Variants in KCNK18 observed in about 807,000 individuals in gnomAD.
KCNK18 encodes the protein potassium channel subfamily K member 18.
In KCNK18, 8 loss-of-function variants were observed where a neutral mutation model predicts 11.8. The observed-to-expected ratio is 0.68, with a 90% CI of 0.40 to 1.22. The LOEUF (loss-of-function observed/expected upper bound fraction) is 1.22. KCNK18 is among the 50% of genes most tolerant of loss of function. KCNK18 has a pLI of 0.01. For synonymous variants in KCNK18, 208 were observed against 185.8 expected, an observed-to-expected ratio of 1.12 and a Z score of -0.97; for missense variants, 442 against 465.4, an observed-to-expected ratio of 0.95 and a Z score of 0.46.
At chr10:117,208,983 C>T (rs532757205) in intron 2 of KCNK18, among the ~76,000 whole-genome samples, 3 of 152,248 alleles carry the variant, frequency 2.0e-5, no homozygotes, top group South Asian at 2.1e-4. Context: ...TCAGGTGACC[C>T]GCCCATCTTG....
chr10:117,201,313 C>A (rs763540533), intron 2 of KCNK18, 26 bp downstream of exon 2: 2 of 1,610,312 alleles, frequency 1.2e-6, no homozygotes, highest in Admixed American at 3.3e-5. Context: ...CAGTCCCCCT[C>A]ACGGTGGCCC....
intron 1 of KCNK18, among the ~76,000 whole-genome samples, 168 bp from the exon 2 acceptor site, chr10:117,200,991 G>A (rs550566042): frequency 4.2e-4 from 64 of 152,338 alleles, no homozygotes; most frequent in African/African-American, 1.5e-3. Flanking sequence ...GACCCAGGCT[G>A]CAGAAATATT....
At position 117,205,279 on chromosome 10, in the gene KCNK18, C is replaced by A. The variant is rs184336793; in HGVS notation, c.352+3992C>A. ...TTGTATCAAAATATATGAATGCATT[C>A]TAAGAAATAATGAGTTCCATTATGC... On this transcript the variant is annotated intron_variant, in intron 2 of 2. Transcript: ENST00000334549. Among the ~76,000 whole-genome samples the A allele has an allele frequency of 5.4e-4, 82 of 152,274 alleles. No homozygotes were observed. The Middle Eastern group carries it at 0.031, about 57-fold the overall frequency.
intron 1 of KCNK18, among the ~76,000 whole-genome samples, chr10:117,197,983 G>A (rs1303838178): frequency 6.6e-6 from 1 of 152,140 alleles, no homozygotes; most frequent in East Asian, 1.9e-4. Flanking sequence ...TCCCCTTCCT[G>A]TGCCTCAGCA....
chr10:117,202,676 C>A (rs1855027122), intron 2 of KCNK18, among the ~76,000 whole-genome samples: 1 of 152,150 alleles, frequency 6.6e-6, no homozygotes, highest in African/African-American at 2.4e-5. Flanking sequence ...TAAGCTGGTC[C>A]CAGGCAAGGG....
Position 117,207,321 on chromosome 10 carries a change from G to A in KCNK18, c.353-2176G>A, listed in dbSNP as rs138871491. Among the ~76,000 whole-genome samples the A allele has an allele frequency of 7.2e-5, 11 of 152,174 alleles. No homozygotes were observed. In the East Asian group the frequency reaches 1.5e-3, roughly 21 times the overall value. On this transcript the variant is annotated intron_variant, in intron 2 of 2. Transcript: ENST00000334549. ...TGGGATTACAGGTGTGAGCCATTGC[G>A]CATGGCTTAGGATAGGTGCCTTTGT... is the stretch of plus-strand genomic sequence containing the variant.
chr10:117,201,921 C>G (rs1387449096), intron 2 of KCNK18, among the ~76,000 whole-genome samples: 2 of 152,206 alleles, frequency 1.3e-5, no homozygotes, highest in Non-Finnish European at 2.9e-5. Flanking sequence ...AGCTTCCCTT[C>G]TGGTGGGGCA....
At chr10:117,200,358 G>T (rs190349115) in intron 1 of KCNK18, among the ~76,000 whole-genome samples, 2 of 152,306 alleles carry the variant, frequency 1.3e-5, no homozygotes, top group African/African-American at 4.8e-5. Context: ...AATTATAGGC[G>T]TGAGCCATCG....
At chr10:117,197,913 G>T (rs906695236) in intron 1 of KCNK18, among the ~76,000 whole-genome samples, 1 of 152,140 alleles carries the variant, frequency 6.6e-6, no homozygotes, top group African/African-American at 2.4e-5. Flanking sequence ...GCCTCTCAGG[G>T]TTGCTGTGAA....
chr10:117,209,697 CTCT>C lies in KCNK18; in HGVS notation c.556_558del (p.Phe186del). 6.2e-7 allele frequency: 1 copy of C among 1,614,026 alleles called. No individual in the cohort carries two copies. The highest frequency in any genetic ancestry group is 1.1e-5 in the South Asian group (1 of 91,072). On this transcript the variant is annotated inframe_deletion, in exon 3 of 3. Transcript: ENST00000334549. ...CCTCTCCAAGTGGTGCCCCAAATCT[CTCT>C]TCAAGAAAAAACCGGACCCCAAGCC...
chr10:117,209,995 C>T lies in KCNK18; in HGVS notation c.851C>T (p.Pro284Leu). The T allele has an allele frequency of 3.7e-6, 6 of 1,614,210 alleles. No homozygotes were observed. The highest frequency in any genetic ancestry group is 4.2e-6 in the Non-Finnish European group (5 of 1,180,032). The change falls in exon 3 of 3, where the codon CCC becomes CTC. Residue 284 changes from proline (P) to leucine (L), a missense_variant. Physicochemically the swap from Pro to Leu is moderately conservative, Grantham distance 98. Coordinates refer to ENST00000334549, the MANE Select transcript of KCNK18 (RefSeq NM_181840.1). ...GTGGAGAGGTTGGACATCCCCCTCC[C>T]CATCATTGCCCTTATTGTTTTTGCC... is the stretch of plus-strand genomic sequence containing the variant. ...QQVERLDIPL[P>L]IIALIVFAYI...
At chr10:117,209,440 T>C in intron 2 of KCNK18, 57 bp from the exon 3 acceptor site, 1 of 1,422,368 alleles carries the variant, frequency 7.0e-7, no homozygotes, top group Non-Finnish European at 9.9e-7. Flanking sequence ...TTAAAGCTTT[T>C]GGGGGGAAAA....
At position 117,202,886 on chromosome 10, in the gene KCNK18, CTTTT is replaced by C. The variant is rs201850637; in HGVS notation, c.352+1618_352+1621del. Among the ~76,000 whole-genome samples, 20 of 122,994 alleles carry C rather than the reference CTTTT, an allele frequency of 1.6e-4. 1 individual carries two copies. Among genetic ancestry groups the C allele is most frequent in the South Asian group, 1.5e-3 (6 of 4,046 alleles). The allele number at this position is 122,994 out of a possible 152,430, so 80.7% of individuals were successfully genotyped here. On this transcript the variant is annotated intron_variant, in intron 2 of 2. Coordinates refer to ENST00000334549, the MANE Select transcript of KCNK18 (RefSeq NM_181840.1). ...GTGGTTTCTCCCATTTGCCTGAATG[CTTTT>C]TTTTTTTTTTTTTTTTTTGAGATGG...
chr10:117,209,746 A>C lies in KCNK18; in HGVS notation c.602A>C (p.Gln201Pro). The C allele has an allele frequency of 6.2e-7, 1 of 1,614,178 alleles. No individual in the cohort carries two copies. Among genetic ancestry groups the C allele is most frequent in the Non-Finnish European group, 8.5e-7 (1 of 1,180,048 alleles). ...DPKPADEAVP[Q>P]IIISAEELPG... ...AAGCCCGCAGATGAAGCTGTCCCTC[A>C]GATCATCATCAGTGCTGAAGAGCTT... is the stretch of plus-strand genomic sequence containing the variant. The change falls in exon 3 of 3, where the codon CAG becomes CCG. Residue 201 changes from glutamine (Q) to proline (P), a missense_variant. Physicochemically the swap from Gln to Pro is moderately conservative, Grantham distance 76 (BLOSUM62 -1). Transcript: ENST00000334549.
Position 117,197,687 on chromosome 10 carries a change from A to G in KCNK18, c.199A>G (p.Arg67Gly), listed in dbSNP as rs1454935533. 6.2e-7 allele frequency: 1 copy of G among 1,614,098 alleles called. No homozygotes were observed. The highest frequency in any genetic ancestry group is 8.5e-7 in the Non-Finnish European group (1 of 1,180,004). Residue 67 changes from arginine to glycine, a missense_variant, in exon 1 of 3, where the codon AGA becomes GGA. Physicochemically the swap from Arg to Gly is moderately radical, Grantham distance 125. Coordinates refer to ENST00000334549, the MANE Select transcript of KCNK18 (RefSeq NM_181840.1). ...EFEKFLEELC[R>G]ILNCSETVVE... Reference sequence around the variant, plus strand: ...TGAGAAGTTCTTGGAGGAGCTCTGCAGAATCTTGAACTGCAGTGAAACAGG... The same window carrying G: ...TGAGAAGTTCTTGGAGGAGCTCTGCGGAATCTTGAACTGCAGTGAAACAGG...
intron 2 of KCNK18, among the ~76,000 whole-genome samples, chr10:117,206,765 C>T (rs1855081576): frequency 6.6e-6 from 1 of 152,172 alleles, no homozygotes; most frequent in South Asian, 2.1e-4. Flanking sequence ...GCAGACACAG[C>T]CCAGTGCCCC....
chr10:117,210,044 C>G lies in KCNK18; in HGVS notation c.900C>G (p.Ile300Met). Residue 300 changes from isoleucine (I) to methionine (M), a missense_variant, in exon 3 of 3, where the codon ATC becomes ATG. Physicochemically the swap from Ile to Met is conservative, Grantham distance 10. Coordinates refer to ENST00000334549, the MANE Select transcript of KCNK18 (RefSeq NM_181840.1). ...CCTACATTTCCTGTGCAGCTGCCATCCTCCCCTTCTGGGAGACACAGTTGG... is the reference window on the plus strand; with the variant it reads ...CCTACATTTCCTGTGCAGCTGCCATGCTCCCCTTCTGGGAGACACAGTTGG... Reference protein sequence around the residue: ...VFAYISCAAAILPFWETQLDF... With the variant: ...VFAYISCAAAMLPFWETQLDF... 2 of 1,614,208 alleles carry G rather than the reference C, an allele frequency of 1.2e-6. No homozygotes were observed. The highest frequency in any genetic ancestry group is 1.7e-6 in the Non-Finnish European group (2 of 1,180,030).
intron 2 of KCNK18, among the ~76,000 whole-genome samples, chr10:117,206,847 G>C (rs1213533894): frequency 1.3e-5 from 2 of 152,172 alleles, no homozygotes; most frequent in Admixed American, 1.3e-4. Context: ...CTTGGTATAT[G>C]TGCAGTACAC....
intron 2 of KCNK18, among the ~76,000 whole-genome samples, chr10:117,202,806 G>A (rs1196582830): frequency 1.3e-5 from 2 of 151,090 alleles, no homozygotes; most frequent in African/African-American, 4.9e-5. Context: ...GGTGTCTGCT[G>A]CACCCAGCTT....
Sources: allele counts gnomAD v4.1 joint callset (sites outside exome capture counted in the v4.1 genomes callset), GRCh38; gene constraint gnomAD v4.1.1; transcripts MANE v1.5; gene names NCBI Gene and HGNC (gene_info 2026-07-23, HGNC 2026-07-21).